MAGI2: variants seen among roughly 807,000 people sequenced by gnomAD.
The protein encoded by MAGI2 is membrane-associated guanylate kinase, WW and PDZ domain-containing protein 2.
In MAGI2, 35 loss-of-function variants were observed where a neutral mutation model predicts 133.3. The ratio of observed to expected loss-of-function variants is 0.26; its 90% CI spans 0.20 to 0.35. MAGI2 has a LOEUF of 0.35. MAGI2 is among the 10% of genes least tolerant of loss of function. The probability of loss-of-function intolerance (pLI) is 1.00; values close to 1 mark genes in which losing one functional copy is unlikely to be tolerated. For missense variants in MAGI2, 1,636 were observed against 1,863.4 expected, an observed-to-expected ratio of 0.88 and a Z score of 2.25; for synonymous variants, 729 against 710.6, an observed-to-expected ratio of 1.03 and a Z score of -0.41.
At chr7:78,130,384 G>A (rs1230325786) in intron 18 of MAGI2, among the ~76,000 whole-genome samples, 1 of 152,110 alleles carries the variant, frequency 6.6e-6, no homozygotes, top group African/African-American at 2.4e-5. Context: ...ACATGGGAAC[G>A]GGCTGAATCT....
chr7:78,209,451 G>C lies in MAGI2; in HGVS notation c.2048-8258C>G, dbSNP rs557476666. Among the ~76,000 whole-genome samples the C allele has an allele frequency of 4.2e-4, 63 of 151,048 alleles. 1 individual carries two copies. The highest frequency in any genetic ancestry group is 1.3e-3 in the African/African-American group (55 of 41,294). The stretch of plus-strand genomic sequence containing the variant: ...TAAAATTTGTATTTTTAGTAGAGAT[G>C]GGGGTTTCACCATGTTGGCCAGGAT... On this transcript the variant is annotated intron_variant, in intron 10 of 21. Transcript: ENST00000354212.
intron 21 of MAGI2, among the ~76,000 whole-genome samples, chr7:78,045,448 G>C (rs767653278): frequency 9.2e-5 from 14 of 152,102 alleles, no homozygotes; most frequent in Non-Finnish European, 1.8e-4. Context: ...TCATGACCTT[G>C]AGCAGCTCAC....
intron 3 of MAGI2, among the ~76,000 whole-genome samples, chr7:78,593,968 C>T (rs374185546): frequency 1.5e-4 from 23 of 152,272 alleles, no homozygotes; most frequent in East Asian, 9.7e-4. Context: ...TTTCAACTCC[C>T]AAACATATCA....
At chr7:78,815,294 T>A (rs1789467555) in intron 2 of MAGI2, among the ~76,000 whole-genome samples, 1 of 152,140 alleles carries the variant, frequency 6.6e-6, no homozygotes, top group South Asian at 2.1e-4. Flanking sequence ...TGTGAAAGGA[T>A]TTTAAAATCA....
chr7:79,311,125 A>C (rs1187355295), intron 1 of MAGI2, among the ~76,000 whole-genome samples: 1 of 152,018 alleles, frequency 6.6e-6, no homozygotes, highest in Non-Finnish European at 1.5e-5. Context: ...TTTTCCATCA[A>C]AACTGCTCAT....
At chr7:79,321,525 T>C (rs754667524) in intron 1 of MAGI2, among the ~76,000 whole-genome samples, 2 of 152,236 alleles carry the variant, frequency 1.3e-5, no homozygotes, top group Non-Finnish European at 1.5e-5. Flanking sequence ...AAAGATAAAA[T>C]AGGACAAAAA....
chr7:79,042,435 G>A lies in MAGI2; in HGVS notation c.302-35229C>T, dbSNP rs1455235625. On this transcript the variant is annotated intron_variant, in intron 1 of 21. Coordinates refer to ENST00000354212, the MANE Select transcript of MAGI2 (RefSeq NM_012301.4). ...CTATGAGTGTCATTACATGTGAGATGCATCTCTTGAAGACAGCATATAGTT... is the reference window on the plus strand; with the variant it reads ...CTATGAGTGTCATTACATGTGAGATACATCTCTTGAAGACAGCATATAGTT... Among the ~76,000 whole-genome samples, 3 of 152,098 alleles carry A rather than the reference G, an allele frequency of 2.0e-5. No individual in the cohort carries two copies. In the East Asian group the frequency reaches 5.8e-4, roughly 29 times the overall value.
At chr7:79,174,119 C>T (rs1825866335) in intron 1 of MAGI2, among the ~76,000 whole-genome samples, 1 of 151,886 alleles carries the variant, frequency 6.6e-6, no homozygotes, top group Non-Finnish European at 1.5e-5. Flanking sequence ...TAAGTGTTCA[C>T]GTGTGTCAGC....
intron 1 of MAGI2, among the ~76,000 whole-genome samples, chr7:79,015,194 C>A (rs1808562953): frequency 6.6e-6 from 1 of 152,120 alleles, no homozygotes; most frequent in Admixed American, 6.5e-5. Context: ...GTGGCTCATG[C>A]TTGTAATCCC....
At chr7:78,420,619 C>G (rs118146288) in intron 6 of MAGI2, among the ~76,000 whole-genome samples, 1 of 151,652 alleles carries the variant, frequency 6.6e-6, no homozygotes, top group Non-Finnish European at 1.5e-5. Flanking sequence ...TGACACTTTC[C>G]AATTCTCTGG....
At chr7:78,113,138 CTGGGGATAGAACACGCAG>C (rs1391313192) in intron 20 of MAGI2, among the ~76,000 whole-genome samples, 1 of 103,880 alleles carries the variant, frequency 9.6e-6, no homozygotes, top group African/African-American at 3.1e-5. Context: ...GGGAGGGGGA[CTGGGGATAGAACACGCAG>C]GGAGGGGGAC....
intron 3 of MAGI2, among the ~76,000 whole-genome samples, chr7:78,588,043 G>A (rs1190705634): frequency 6.6e-6 from 1 of 152,116 alleles, no homozygotes; most frequent in Non-Finnish European, 1.5e-5. Flanking sequence ...AGGAATCTTT[G>A]TGAAACTTTT....
chr7:79,290,136 CA>C (rs1271018934), intron 1 of MAGI2, among the ~76,000 whole-genome samples: 2 of 151,872 alleles, frequency 1.3e-5, no homozygotes, highest in African/African-American at 4.8e-5. Context: ...TTTATTAATT[CA>C]ACAAATGTGT....
intron 2 of MAGI2, among the ~76,000 whole-genome samples, chr7:78,729,451 A>C (rs1821156696): frequency 6.6e-6 from 1 of 152,210 alleles, no homozygotes; most frequent in Admixed American, 6.5e-5. Context: ...AGAATTCCAG[A>C]AGCACACCTT....
intron 2 of MAGI2, among the ~76,000 whole-genome samples, chr7:78,790,475 C>T (rs1827161961): frequency 6.6e-6 from 1 of 151,990 alleles, no homozygotes; most frequent in Non-Finnish European, 1.5e-5. Flanking sequence ...CCTTTGTTGC[C>T]CAGGCTGGAG....
intron 1 of MAGI2, among the ~76,000 whole-genome samples, chr7:79,067,536 C>T (rs1197760007): frequency 6.6e-6 from 1 of 152,170 alleles, no homozygotes; most frequent in African/African-American, 2.4e-5. Flanking sequence ...AATATACAAT[C>T]ATGTCAACTG....
chr7:79,140,673 A>C (rs923694791), intron 1 of MAGI2, among the ~76,000 whole-genome samples: 5 of 152,176 alleles, frequency 3.3e-5, no homozygotes, highest in African/African-American at 4.8e-5. Context: ...CAGATTATGA[A>C]CCATAATCAA....
chr7:79,213,707 C>T (rs1829713868), intron 1 of MAGI2, among the ~76,000 whole-genome samples: 1 of 152,032 alleles, frequency 6.6e-6, no homozygotes, highest in Admixed American at 6.5e-5. Context: ...TCTAATGGGA[C>T]TCTCGCAATT....
chr7:79,149,047 T>TATATA lies in MAGI2; in HGVS notation c.302-141846_302-141842dup, dbSNP rs1554382838. 4.8e-5 allele frequency among the ~76,000 whole-genome samples: 7 copies of TATATA among 144,384 alleles called. 1 individual carries two copies. Among genetic ancestry groups the TATATA allele is most frequent in the South Asian group, 4.2e-4 (2 of 4,730 alleles). 94.7% of individuals were successfully genotyped at this position (144,384 alleles called of 152,430 possible). A position where few individuals can be genotyped will look rare whatever the true frequency, so the allele number is the denominator to read the frequency against. On this transcript the variant is annotated intron_variant, in intron 1 of 21. Transcript: ENST00000354212. ...CACTAGATTTTAGGAAGTATATATA[T>TATATA]ATATAATATAATATAATATATTATA...
Sources: gnomAD v4.1 joint callset for allele counts (sites outside exome capture counted in the v4.1 genomes callset) on GRCh38, gnomAD v4.1.1 for gene constraint, MANE v1.5 for transcripts, NCBI Gene and HGNC (gene_info 2026-07-23, HGNC 2026-07-21) for gene names.